Variants in GPD2 observed in about 807,000 individuals in gnomAD.
GPD2 encodes the protein glycerol-3-phosphate dehydrogenase 2.
In GPD2, 54 loss-of-function variants were observed where a neutral mutation model predicts 82.4. The ratio of observed to expected loss-of-function variants is 0.66; its 90% CI spans 0.53 to 0.82. The LOEUF (loss-of-function observed/expected upper bound fraction) is 0.82, where lower values mean the gene tolerates loss of function less well. GPD2 is among the 40% of genes least tolerant of loss of function. GPD2 has a pLI of 0.00. For missense variants in GPD2, 748 were observed against 896.2 expected (o/e 0.83, Z 2.11); for synonymous variants, 288 against 306.1 (o/e 0.94, Z 0.62).
At chr2:156,426,142 C>G in the GPD2 span, among the ~76,000 whole-genome samples, 1 of 152,038 alleles carries the variant, frequency 6.6e-6, no homozygotes, top group Non-Finnish European at 1.5e-5. Context: ...CCGGGATAGT[C>G]TCGATCTCCT....
chr2:156,574,603 T>C (rs372424465), intron 13 of GPD2, among the ~76,000 whole-genome samples: 3 of 150,068 alleles, frequency 2.0e-5, no homozygotes, highest in African/African-American at 4.9e-5. Context: ...TTTTTTTTTT[T>C]CAAAATTGAT....
At chr2:156,528,165 T>C (rs2105299768) in intron 6 of GPD2, among the ~76,000 whole-genome samples, 1 of 152,250 alleles carries the variant, frequency 6.6e-6, no homozygotes, top group South Asian at 2.1e-4. Context: ...TCCAACAGCA[T>C]TTAAATTAAT....
intron 6 of GPD2, among the ~76,000 whole-genome samples, chr2:156,535,357 A>G (rs1288776261): frequency 5.5e-5 from 7 of 126,730 alleles, no homozygotes; most frequent in South Asian, 3.1e-4. Context: ...GAAAGAAAGA[A>G]AGAGAGAGAG....
At chr2:156,450,300 A>G (rs1350513847) in intron 1 of GPD2, among the ~76,000 whole-genome samples, 1 of 152,128 alleles carries the variant, frequency 6.6e-6, no homozygotes, top group African/African-American at 2.4e-5. Context: ...GGAGATTCTG[A>G]GAGGGGTTTG....
At chr2:156,524,089 A>G (rs1228925729) in intron 6 of GPD2, among the ~76,000 whole-genome samples, 1 of 152,216 alleles carries the variant, frequency 6.6e-6, no homozygotes, top group African/African-American at 2.4e-5. Flanking sequence ...CCCATCACCC[A>G]AATAGTGAAC....
At chr2:156,507,959 T>C (rs1684846874) in intron 3 of GPD2, among the ~76,000 whole-genome samples, 1 of 152,172 alleles carries the variant, frequency 6.6e-6, no homozygotes, top group South Asian at 2.1e-4. Flanking sequence ...CGTACTTCTC[T>C]GTAGACTTTT....
chr2:156,507,573 C>T (rs550774101), intron 3 of GPD2, among the ~76,000 whole-genome samples: 8 of 152,216 alleles, frequency 5.3e-5, no homozygotes, highest in South Asian at 2.1e-4. Context: ...ATCATCCTCC[C>T]GCCTTGGCTT....
chr2:156,498,246 T>C (rs563171316), intron 3 of GPD2, among the ~76,000 whole-genome samples: 3 of 152,306 alleles, frequency 2.0e-5, no homozygotes, highest in South Asian at 2.1e-4. Context: ...ACAAAGATGA[T>C]AGAGTTGGTA....
intron 6 of GPD2, among the ~76,000 whole-genome samples, chr2:156,532,323 G>T (rs1685898249): frequency 6.6e-6 from 1 of 152,132 alleles, no homozygotes; most frequent in Non-Finnish European, 1.5e-5. Context: ...TTTTAATTTA[G>T]TTTTATTTTC....
the GPD2 span, among the ~76,000 whole-genome samples, chr2:156,416,210 T>A: frequency 6.6e-6 from 1 of 152,042 alleles, no homozygotes; most frequent in African/African-American, 2.4e-5. Flanking sequence ...GTCTCATTGG[T>A]TGACAGGCAT....
the GPD2 span, among the ~76,000 whole-genome samples, chr2:156,427,409 T>C: frequency 6.6e-6 from 1 of 152,228 alleles, no homozygotes; most frequent in Non-Finnish European, 1.5e-5. Context: ...AACACTCAAA[T>C]TATACTGTAA....
In GPD2 at chr2:156,582,864, G is replaced by A; in HGVS notation, c.2130G>A (p.Glu710=). The A allele has an allele frequency of 2.5e-6, 4 of 1,613,210 alleles. No individual in the cohort carries two copies. Among genetic ancestry groups the A allele is most frequent in the East Asian group, 2.2e-5 (1 of 44,852 alleles). ...CTATACTAATGAAAACTGCAGAAGA[G>A]AACCTCGACAGAAGAGTTCCAATTC... ...RLAILMKTAE[E]NLDRRVPIPV... Residue 710 remains glutamate (E), a synonymous_variant, in exon 17 of 17, where the codon GAG becomes GAA. Coordinates refer to ENST00000438166, the MANE Select transcript of GPD2 (RefSeq NM_000408.5).
intron 1 of GPD2, among the ~76,000 whole-genome samples, chr2:156,465,357 CTTTCTTTTT>C (rs1267127781): frequency 3.4e-4 from 7 of 20,508 alleles, no homozygotes; most frequent in Admixed American, 2.6e-3. Context: ...TTCTTTCTTT[CTTTCTTTTT>C]TTTTTTTTTT....
At chr2:156,487,091 C>T (rs1307729470) in intron 2 of GPD2, among the ~76,000 whole-genome samples, 4 of 152,084 alleles carry the variant, frequency 2.6e-5, no homozygotes, top group Admixed American at 1.3e-4. Context: ...AGATCACCTG[C>T]GGTCAGGAGC....
intron 2 of GPD2, among the ~76,000 whole-genome samples, chr2:156,479,955 A>G (rs546125826): frequency 3.9e-5 from 6 of 152,258 alleles, no homozygotes; most frequent in African/African-American, 1.2e-4. Context: ...ACTCAAAGAA[A>G]CCAACCCCAC....
At chr2:156,488,596 C>T (rs761030293) in intron 2 of GPD2, among the ~76,000 whole-genome samples, 20 of 151,830 alleles carry the variant, frequency 1.3e-4, no homozygotes, top group Non-Finnish European at 2.5e-4. Context: ...TGGTCTCACC[C>T]GAAGTTGTAA....
intron 1 of GPD2, among the ~76,000 whole-genome samples, chr2:156,461,161 C>T (rs1018608097): frequency 9.4e-6 from 1 of 106,442 alleles, no homozygotes; most frequent in African/African-American, 3.4e-5. Context: ...CTCTCTATCT[C>T]TTTTTTTTTT....
intron 1 of GPD2, among the ~76,000 whole-genome samples, chr2:156,439,500 T>A (rs149625438): frequency 3.0e-4 from 34 of 113,714 alleles, no homozygotes; most frequent in African/African-American, 1.1e-3. Flanking sequence ...GAGAATTGCT[T>A]GAGACTGTCT....
intron 13 of GPD2, among the ~76,000 whole-genome samples, chr2:156,577,210 A>C (rs1279040015): frequency 6.6e-6 from 1 of 152,174 alleles, no homozygotes; most frequent in Non-Finnish European, 1.5e-5. Context: ...GGCTGGGCAC[A>C]GTGCTTCATG....
Sources: allele counts gnomAD v4.1 joint callset (sites outside exome capture counted in the v4.1 genomes callset), GRCh38; gene constraint gnomAD v4.1.1; transcripts MANE v1.5; gene names NCBI Gene and HGNC (gene_info 2026-07-23, HGNC 2026-07-21).